The following NXPE2 variants were observed in gnomAD, a reference collection of about 807,000 sequenced individuals.
The protein encoded by NXPE2 is neurexophilin and PC-esterase domain family member 2.
A neutral mutation model predicts 34.4 loss-of-function variants in NXPE2; 34 were observed. That is an observed-to-expected ratio of 0.99 (90% CI 0.75 to 1.31). The LOEUF is 1.31. Ranked by LOEUF, NXPE2 falls within the 40% of genes most tolerant of loss-of-function variation. The pLI, the probability that NXPE2 is intolerant of heterozygous loss-of-function variation, is 0.00. For synonymous variants in NXPE2, 235 were observed against 231.3 expected (o/e 1.02, Z -0.15); for missense variants, 649 against 672.5 (o/e 0.97, Z 0.39).
chr11:114,668,671 T>A, the NXPE2 span, among the ~76,000 whole-genome samples: 3 of 151,874 alleles, frequency 2.0e-5, no homozygotes, highest in African/African-American at 7.3e-5. Flanking sequence ...TAAATGGGAG[T>A]GGGCAGAGAC....
chr11:114,527,721 A>G, the NXPE2 span: 1 of 604,260 alleles, frequency 1.7e-6, no homozygotes, highest in Non-Finnish European at 2.8e-6. Flanking sequence ...AAAGTCCAGC[A>G]TGATTGACAT....
At chr11:114,549,618 G>A in the NXPE2 span, among the ~76,000 whole-genome samples, 2 of 151,918 alleles carry the variant, frequency 1.3e-5, no homozygotes, top group Admixed American at 6.6e-5. Flanking sequence ...TAACTCAAAA[G>A]CTTGCATTTT....
chr11:114,650,604 G>A, the NXPE2 span, among the ~76,000 whole-genome samples: 1 of 152,160 alleles, frequency 6.6e-6, no homozygotes, highest in South Asian at 2.1e-4. Flanking sequence ...GGAGGAGGTG[G>A]AAGAATAAGA....
the NXPE2 span, among the ~76,000 whole-genome samples, chr11:114,783,446 G>A: frequency 2.0e-5 from 3 of 152,202 alleles, no homozygotes; most frequent in Admixed American, 6.5e-5. Flanking sequence ...CCCCAGAGCC[G>A]ACTGATCTCA....
At chr11:114,530,636 C>T in the NXPE2 span, 3 of 1,614,178 alleles carry the variant, frequency 1.9e-6, no homozygotes, top group Non-Finnish European at 2.5e-6. Context: ...AGTGGTCCCT[C>T]ACCTCCAGTA....
the NXPE2 span, among the ~76,000 whole-genome samples, chr11:114,556,230 G>A: frequency 6.6e-6 from 1 of 152,074 alleles, no homozygotes; most frequent in Non-Finnish European, 1.5e-5. Context: ...CTTTAAGGTG[G>A]GTCTTGAAAA....
chr11:114,583,154 A>C, the NXPE2 span: 1 of 956,694 alleles, frequency 1.0e-6, no homozygotes, highest in Non-Finnish European at 1.6e-6. Flanking sequence ...TTGAATATTG[A>C]TTTACATACT....
chr11:114,597,114 G>A, the NXPE2 span, among the ~76,000 whole-genome samples: 1 of 82,050 alleles, frequency 1.2e-5, no homozygotes, highest in Non-Finnish European at 2.5e-5. Flanking sequence ...ATTACTTGAA[G>A]GATAGACTCT....
chr11:114,713,345 C>T, the NXPE2 span, among the ~76,000 whole-genome samples: 1 of 152,094 alleles, frequency 6.6e-6, no homozygotes, highest in Admixed American at 6.5e-5. Context: ...CATGTATGTT[C>T]TTTCCCTTTC....
the NXPE2 span, among the ~76,000 whole-genome samples, chr11:114,753,437 T>G: frequency 6.6e-6 from 1 of 152,164 alleles, no homozygotes; most frequent in East Asian, 1.9e-4. Flanking sequence ...ACAATCAGCA[T>G]AGTAAAATAT....
chr11:114,523,632 C>T, the NXPE2 span, among the ~76,000 whole-genome samples: 1 of 152,162 alleles, frequency 6.6e-6, no homozygotes, highest in African/African-American at 2.4e-5. Context: ...CATGCAACAT[C>T]CAATACAAAC....
the NXPE2 span, among the ~76,000 whole-genome samples, chr11:114,713,992 G>A: frequency 2.0e-5 from 3 of 152,180 alleles, no homozygotes; most frequent in Admixed American, 1.3e-4. Context: ...TTCTTGCTCC[G>A]CATATAAATC....
At chr11:114,797,319 A>T in the NXPE2 span, among the ~76,000 whole-genome samples, 1 of 152,118 alleles carries the variant, frequency 6.6e-6, no homozygotes, top group South Asian at 2.1e-4. Flanking sequence ...GAAAGGTGAA[A>T]CGAGAGTTTA....
chr11:114,628,613 AG>A, the NXPE2 span, among the ~76,000 whole-genome samples: 2,255 of 149,440 alleles, frequency 0.015, 61 homozygotes, highest in African/African-American at 0.051. Flanking sequence ...TAAAAGAACT[AG>A]AAAAGCAAGA....
At chr11:114,690,906 A>G (rs1951137492) in intron 2 of NXPE2, among the ~76,000 whole-genome samples, 1 of 151,994 alleles carries the variant, frequency 6.6e-6, no homozygotes, top group Non-Finnish European at 1.5e-5. Flanking sequence ...AAATTCCTAT[A>G]GTCAATTTTT....
the NXPE2 span, among the ~76,000 whole-genome samples, chr11:114,665,016 GTT>G: frequency 2.0e-5 from 3 of 152,120 alleles, no homozygotes; most frequent in African/African-American, 7.2e-5. Context: ...CTTATGATGG[GTT>G]TAATGGAACA....
the NXPE2 span, among the ~76,000 whole-genome samples, chr11:114,737,882 A>T: frequency 1.3e-5 from 2 of 152,086 alleles, no homozygotes; most frequent in Non-Finnish European, 2.9e-5. Context: ...TAGGAGTTTG[A>T]TACCACCCTG....
At chr11:114,642,324 A>T in the NXPE2 span, among the ~76,000 whole-genome samples, 1 of 152,028 alleles carries the variant, frequency 6.6e-6, no homozygotes. Context: ...GTAGTTCTCC[A>T]CATGTGCAGA....
At chr11:114,773,288 C>CCCGG in the NXPE2 span, among the ~76,000 whole-genome samples, 1 of 95,870 alleles carries the variant, frequency 1.0e-5, no homozygotes, top group East Asian at 4.2e-4. Flanking sequence ...CACCCCCCCC[C>CCCGG]CACCCCATTC....
Sources: allele counts gnomAD v4.1 joint callset (sites outside exome capture counted in the v4.1 genomes callset), GRCh38; gene constraint gnomAD v4.1.1; transcripts MANE v1.5; gene names NCBI Gene and HGNC (gene_info 2026-07-23, HGNC 2026-07-21).